The following ZNF385D variants were observed in gnomAD, a reference collection of about 807,000 sequenced individuals.
ZNF385D encodes zinc finger protein 659.
In ZNF385D, 15 loss-of-function variants were observed where a neutral mutation model predicts 35.8. The observed-to-expected ratio is 0.42, with a 90% CI of 0.28 to 0.64. The LOEUF (loss-of-function observed/expected upper bound fraction) is 0.64, where lower values mean the gene tolerates loss of function less well. Among genes scored for constraint, ZNF385D ranks in the 30% least tolerant of loss-of-function variants. The pLI is 0.23. For missense variants in ZNF385D, 474 were observed against 494.6 expected (o/e 0.96, Z 0.39); for synonymous variants, 212 against 186.8 (o/e 1.13, Z -1.10).
chr3:21,631,927 G>A (rs1362341167), intron 2 of ZNF385D, among the ~76,000 whole-genome samples: 1 of 152,078 alleles, frequency 6.6e-6, no homozygotes, highest in Non-Finnish European at 1.5e-5. Flanking sequence ...GCTTCCTAGA[G>A]GCGGATCCTT....
intron 2 of ZNF385D, among the ~76,000 whole-genome samples, chr3:22,200,841 G>C (rs925169201): frequency 6.6e-6 from 1 of 152,114 alleles, no homozygotes; most frequent in African/African-American, 2.4e-5. Flanking sequence ...ATTTGCTTTT[G>C]AAAGAAGAGA....
At chr3:21,615,811 T>G (rs2064829912) in intron 2 of ZNF385D, among the ~76,000 whole-genome samples, 1 of 151,394 alleles carries the variant, frequency 6.6e-6, no homozygotes, top group Non-Finnish European at 1.5e-5. Context: ...TGTGTGTGTG[T>G]GTGTGTTTAC....
chr3:22,017,302 T>A (rs1420566424), intron 3 of ZNF385D, among the ~76,000 whole-genome samples: 3 of 152,096 alleles, frequency 2.0e-5, no homozygotes, highest in African/African-American at 4.8e-5. Context: ...AACTCCATTC[T>A]GAGTAATATT....
intron 3 of ZNF385D, among the ~76,000 whole-genome samples, chr3:21,974,302 T>G (rs1559807116): frequency 6.6e-6 from 1 of 152,042 alleles, no homozygotes; most frequent in East Asian, 1.9e-4. Context: ...TCAACAAAGG[T>G]ACCAAGAACA....
At chr3:21,876,877 G>A (rs779019975) in intron 3 of ZNF385D, among the ~76,000 whole-genome samples, 3 of 151,858 alleles carry the variant, frequency 2.0e-5, no homozygotes, top group Non-Finnish European at 2.9e-5. Context: ...CTTTCTTTAG[G>A]ATCACTAATC....
chr3:22,020,316 G>A (rs1697147870), intron 3 of ZNF385D, among the ~76,000 whole-genome samples: 1 of 151,884 alleles, frequency 6.6e-6, no homozygotes. Context: ...TAGATTTCAA[G>A]TATGTTGGTG....
chr3:22,059,596 A>T (rs191415956), intron 3 of ZNF385D, among the ~76,000 whole-genome samples: 99 of 152,286 alleles, frequency 6.5e-4, no homozygotes, highest in African/African-American at 2.3e-3. Context: ...GTGAATCTGG[A>T]AACATTCCCT....
chr3:21,717,187 A>C (rs976917077), intron 1 of ZNF385D, among the ~76,000 whole-genome samples: 2 of 152,172 alleles, frequency 1.3e-5, no homozygotes, highest in African/African-American at 4.8e-5. Flanking sequence ...AAATGTATAA[A>C]TGGTTACTTC....
intron 2 of ZNF385D, among the ~76,000 whole-genome samples, chr3:22,229,597 T>G (rs1341260104): frequency 1.3e-5 from 2 of 152,180 alleles, no homozygotes; most frequent in Non-Finnish European, 2.9e-5. Flanking sequence ...AGAAGTTATT[T>G]CCTCACAGCC....
intron 3 of ZNF385D, among the ~76,000 whole-genome samples, chr3:22,030,248 AACTCATTC>A (rs1697852763): frequency 1.3e-5 from 1 of 76,048 alleles, no homozygotes; most frequent in African/African-American, 6.0e-5. Flanking sequence ...ATACTTAATA[AACTCATTC>A]ATATATATAT....
At chr3:22,284,271 C>A (rs922178347) in intron 2 of ZNF385D, among the ~76,000 whole-genome samples, 2 of 152,140 alleles carry the variant, frequency 1.3e-5, no homozygotes, top group South Asian at 2.1e-4. Context: ...TCACTGCAAC[C>A]TTTGCCTCCC....
intron 2 of ZNF385D, among the ~76,000 whole-genome samples, chr3:21,566,301 C>T (rs1308355649): frequency 6.6e-6 from 1 of 152,078 alleles, no homozygotes; most frequent in East Asian, 1.9e-4. Context: ...TCAGCCTCTC[C>T]TCATTGTTTT....
chr3:22,285,482 G>T (rs1031239786), intron 2 of ZNF385D, among the ~76,000 whole-genome samples: 6 of 152,132 alleles, frequency 3.9e-5, no homozygotes, highest in African/African-American at 1.2e-4. Context: ...GTAAAATGAA[G>T]TAGGAAGAAA....
intron 2 of ZNF385D, among the ~76,000 whole-genome samples, chr3:22,196,348 T>TA (rs1356045734): frequency 6.8e-6 from 1 of 147,324 alleles, no homozygotes; most frequent in East Asian, 1.9e-4. Flanking sequence ...CTTACGTTTA[T>TA]ATTTAGAGTG....
At chr3:21,974,800 A>C (rs1703488817) in intron 3 of ZNF385D, among the ~76,000 whole-genome samples, 1 of 152,210 alleles carries the variant, frequency 6.6e-6, no homozygotes, top group Non-Finnish European at 1.5e-5. Flanking sequence ...GCAAATGGCA[A>C]ACAAGGATAT....
intron 3 of ZNF385D, among the ~76,000 whole-genome samples, chr3:21,857,888 T>C (rs1388850468): frequency 8.6e-5 from 13 of 151,866 alleles, no homozygotes; most frequent in African/African-American, 2.2e-4. Context: ...ACTTAATAAA[T>C]AGCCATGGAA....
intron 2 of ZNF385D, among the ~76,000 whole-genome samples, chr3:22,269,741 A>G (rs1701078024): frequency 6.6e-6 from 1 of 152,006 alleles, no homozygotes; most frequent in East Asian, 2.0e-4. Flanking sequence ...GGTAAAGAAC[A>G]GTTAATATAA....
intron 2 of ZNF385D, among the ~76,000 whole-genome samples, chr3:21,597,588 G>T (rs1446269911): frequency 3.3e-5 from 5 of 152,140 alleles, no homozygotes; most frequent in Non-Finnish European, 1.5e-5. Flanking sequence ...AATTAGGTAG[G>T]ACCATAAAAA....
chr3:21,902,004 A>C (rs1038567202), intron 3 of ZNF385D, among the ~76,000 whole-genome samples: 1 of 152,144 alleles, frequency 6.6e-6, no homozygotes, highest in African/African-American at 2.4e-5. Context: ...GTGATAAGCT[A>C]TTCTTTATTC....
Sources: allele counts gnomAD v4.1 joint callset (sites outside exome capture counted in the v4.1 genomes callset), GRCh38; gene constraint gnomAD v4.1.1; transcripts MANE v1.5; gene names NCBI Gene and HGNC (gene_info 2026-07-23, HGNC 2026-07-21).